Variants in LTBP1 observed in about 807,000 individuals in gnomAD.
The protein encoded by LTBP1 is latent-transforming growth factor beta-binding protein 1.
In LTBP1, 129 loss-of-function variants were observed where a neutral mutation model predicts 207.6. That is an observed-to-expected ratio of 0.62 (90% CI 0.54 to 0.72). LTBP1 has a LOEUF of 0.72. LTBP1 is among the 30% of genes least tolerant of loss of function. LTBP1 has a pLI of 0.00. For synonymous variants in LTBP1, 963 were observed against 833.7 expected (o/e 1.16, Z -2.67); for missense variants, 2,281 against 2,217.2 (o/e 1.03, Z -0.58).
intron 2 of LTBP1, among the ~76,000 whole-genome samples, chr2:33,013,932 A>G (rs1034473209): frequency 8.5e-5 from 13 of 152,336 alleles, no homozygotes; most frequent in African/African-American, 2.9e-4. Flanking sequence ...TGTGACTTGT[A>G]GTCCCTTTAA....
chr2:33,323,018 C>G (rs748346406), intron 24 of LTBP1, among the ~76,000 whole-genome samples: 19 of 152,138 alleles, frequency 1.2e-4, no homozygotes, highest in Admixed American at 7.2e-4. Flanking sequence ...TTTTACAGCT[C>G]TGTATGCCAT....
At chr2:33,347,117 CAAAAAAAAAAAA>C (rs775058448) in intron 25 of LTBP1, among the ~76,000 whole-genome samples, 1 of 51,992 alleles carries the variant, frequency 1.9e-5, no homozygotes, top group Admixed American at 2.0e-4. Context: ...GACTCCGTCT[CAAAAAAAAAAAA>C]AAAAAAAAAA....
At chr2:33,071,399 T>G (rs534725790) in intron 3 of LTBP1, among the ~76,000 whole-genome samples, 7 of 152,368 alleles carry the variant, frequency 4.6e-5, no homozygotes, top group African/African-American at 1.4e-4. Context: ...TTTTATTCAT[T>G]AGAAATGAGT....
chr2:33,329,820 C>G (rs964961924), intron 24 of LTBP1, among the ~76,000 whole-genome samples: 1 of 152,036 alleles, frequency 6.6e-6, no homozygotes, highest in Admixed American at 6.6e-5. Context: ...GCTGTCAGTT[C>G]TAACTTCTTC....
At chr2:33,089,465 A>T (rs1392409945) in intron 3 of LTBP1, among the ~76,000 whole-genome samples, 1 of 152,184 alleles carries the variant, frequency 6.6e-6, no homozygotes, top group East Asian at 1.9e-4. Flanking sequence ...GGAGGGTCCT[A>T]CTGGCATCTA....
intron 11 of LTBP1, among the ~76,000 whole-genome samples, chr2:33,256,394 A>G (rs924478152): frequency 6.6e-6 from 1 of 151,928 alleles, no homozygotes; most frequent in African/African-American, 2.4e-5. Context: ...CAGCTGATAC[A>G]TGGCATTTTG....
At chr2:33,067,155 G>A (rs71446096) in intron 3 of LTBP1, among the ~76,000 whole-genome samples, 91 of 152,272 alleles carry the variant, frequency 6.0e-4, no homozygotes, top group South Asian at 2.9e-3. Flanking sequence ...CTGGGCTACA[G>A]AACGAGACCC....
At chr2:33,288,437 G>T (rs1234716991) in intron 19 of LTBP1, among the ~76,000 whole-genome samples, 1 of 152,192 alleles carries the variant, frequency 6.6e-6, no homozygotes, top group Non-Finnish European at 1.5e-5. Context: ...TACACCCCAA[G>T]GCAACGAGAC....
Position 33,186,852 on chromosome 2 carries a change from T to G in LTBP1, c.1202-4T>G, listed in dbSNP as rs906866184. 6.2e-7 allele frequency: 1 copy of G among 1,610,818 alleles called. No homozygotes were observed. The highest frequency in any genetic ancestry group is 1.7e-5 in the Admixed American group (1 of 60,016). On this transcript the variant is annotated splice_region_variant and splice_polypyrimidine_tract_variant and intron_variant, in intron 5 of 33. Transcript: ENST00000404816. ...CTCTCCATGTTTTCTCTTTTCCCTTTTAGTAATTTGCCATCTTCCATGTAT... is the reference window on the plus strand; with the variant it reads ...CTCTCCATGTTTTCTCTTTTCCCTTGTAGTAATTTGCCATCTTCCATGTAT...
intron 3 of LTBP1, among the ~76,000 whole-genome samples, chr2:33,106,932 C>T (rs1437007990): frequency 6.6e-6 from 1 of 152,196 alleles, no homozygotes; most frequent in Non-Finnish European, 1.5e-5. Context: ...TAACACTGTT[C>T]AGCCCTACTT....
intron 16 of LTBP1, 124 bp from the exon 17 acceptor site, chr2:33,274,841 C>A: frequency 1.2e-6 from 1 of 850,466 alleles, no homozygotes; most frequent in South Asian, 1.6e-5. Context: ...TCTCCTTTTG[C>A]TGTTGTCCTC....
chr2:33,376,125 A>G (rs948316041), intron 31 of LTBP1, among the ~76,000 whole-genome samples: 1 of 152,356 alleles, frequency 6.6e-6, no homozygotes, highest in Middle Eastern at 3.4e-3. Context: ...ATATTTAATT[A>G]GCTCTTATAA....
chr2:33,324,699 CTTT>C (rs35517435), intron 24 of LTBP1, among the ~76,000 whole-genome samples: 1 of 123,362 alleles, frequency 8.1e-6, no homozygotes, highest in Admixed American at 9.0e-5. Flanking sequence ...TGTATTCTAT[CTTT>C]TTTTTTTTTT....
chr2:33,255,148 A>G (rs1206010627), intron 11 of LTBP1, among the ~76,000 whole-genome samples: 191 of 123,048 alleles, frequency 1.6e-3, no homozygotes, highest in African/African-American at 5.0e-3. Flanking sequence ...TCATTGTTCA[A>G]TTCCCACCTA....
chr2:33,184,012 C>A (rs114319564), intron 5 of LTBP1, among the ~76,000 whole-genome samples: 1 of 152,136 alleles, frequency 6.6e-6, no homozygotes, highest in Non-Finnish European at 1.5e-5. Context: ...TTGGCCTGCT[C>A]TTTTCCTCCT....
chr2:33,002,508 C>T (rs1347243893), intron 2 of LTBP1, among the ~76,000 whole-genome samples: 1 of 152,090 alleles, frequency 6.6e-6, no homozygotes, highest in Non-Finnish European at 1.5e-5. Flanking sequence ...AGGTCAGGCC[C>T]AGCGTCTCTT....
rs557247794 is a variant in LTBP1, at chr2:33,283,460, G to A, written c.3112+3302G>A. On this transcript the variant is annotated intron_variant, in intron 19 of 33. Transcript: ENST00000404816. ...TTTTTTTTTTTTTTTTTTTTGAGAC[G>A]GAGTCTCGCTCTTTCGCCCAGGCTG... Among the ~76,000 whole-genome samples, 95 of 120,318 alleles carry A rather than the reference G, an allele frequency of 7.9e-4. 1 individual carries two copies. The highest frequency in any genetic ancestry group is 1.4e-3 in the African/African-American group (44 of 31,694). 78.9% of individuals were successfully genotyped at this position (120,318 alleles called of 152,430 possible).
chr2:32,963,295 C>G (rs1679419742), intron 2 of LTBP1, among the ~76,000 whole-genome samples: 1 of 152,142 alleles, frequency 6.6e-6, no homozygotes, highest in Non-Finnish European at 1.5e-5. Context: ...ATCTTGCACT[C>G]CTGGGCTCAA....
rs529872650 is a variant in LTBP1, at chr2:33,026,733, T to C, written c.863+5527T>C. ...TGGGGAATGGGATGAGAACTAAAAA[T>C]TTGAACCAATCACTGATTTTATCGT... On this transcript the variant is annotated intron_variant, in intron 3 of 33. Transcript: ENST00000404816. 1.2e-4 allele frequency among the ~76,000 whole-genome samples: 18 copies of C among 152,338 alleles called. 1 individual carries two copies. In the South Asian group the frequency reaches 3.5e-3, roughly 30 times the overall value.
Sources: gnomAD v4.1 joint callset for allele counts (sites outside exome capture counted in the v4.1 genomes callset) on GRCh38, gnomAD v4.1.1 for gene constraint, MANE v1.5 for transcripts, NCBI Gene and HGNC (gene_info 2026-07-23, HGNC 2026-07-21) for gene names.